The following PRRC2B variants were observed in gnomAD, a reference collection of about 807,000 sequenced individuals.
PRRC2B encodes the protein proline rich coiled-coil 2B.
In PRRC2B, 68 loss-of-function variants were observed where a neutral mutation model predicts 242.3. That is an observed-to-expected ratio of 0.28 (90% CI 0.23 to 0.34). The LOEUF (loss-of-function observed/expected upper bound fraction) is 0.34, where lower values mean the gene tolerates loss of function less well. PRRC2B is among the 10% of genes least tolerant of loss of function. PRRC2B has a pLI of 1.00. For synonymous variants in PRRC2B, 1,228 were observed against 1,173.6 expected (o/e 1.05, Z -0.95); for missense variants, 2,835 against 2,954.8 (o/e 0.96, Z 0.94).
At chr9:131,440,045 A>G (rs1444814695) in intron 5 of PRRC2B, among the ~76,000 whole-genome samples, 3 of 151,624 alleles carry the variant, frequency 2.0e-5, no homozygotes, top group African/African-American at 7.3e-5. Flanking sequence ...ATGCACCACC[A>G]CGCCTGGCTT....
intron 1 of PRRC2B, among the ~76,000 whole-genome samples, chr9:131,420,453 T>TCTCTTTCTTTCTTTCTTTC (rs1837776424): frequency 1.6e-5 from 1 of 60,988 alleles, no homozygotes; most frequent in Non-Finnish European, 3.3e-5. Flanking sequence ...TTCTTTTTCT[T>TCTCTTTCTTTCTTTCTTTC]TTTCTTTCTT....
At chr9:131,468,069 T>C (rs1195672057) in intron 13 of PRRC2B, among the ~76,000 whole-genome samples, 1 of 152,250 alleles carries the variant, frequency 6.6e-6, no homozygotes, top group Admixed American at 6.5e-5. Context: ...GCTCCATTTT[T>C]CTAGTGTGCA....
At chr9:131,478,844 A>T (rs1943779722) in intron 18 of PRRC2B, among the ~76,000 whole-genome samples, 1 of 152,158 alleles carries the variant, frequency 6.6e-6, no homozygotes, top group African/African-American at 2.4e-5. Context: ...AGTGGAAGAA[A>T]CCGAGTCTTG....
At chr9:131,495,684 TC>T in intron 31 of PRRC2B, 55 bp from the exon 32 acceptor site, 1 of 1,575,524 alleles carries the variant, frequency 6.3e-7, no homozygotes, top group Non-Finnish European at 8.7e-7. Context: ...GAACTATGTA[TC>T]CAAACACGTT....
chr9:131,449,269 C>A (rs1268101587), intron 9 of PRRC2B, among the ~76,000 whole-genome samples: 1 of 152,082 alleles, frequency 6.6e-6, no homozygotes, highest in East Asian at 1.9e-4. Context: ...TAAGACCTGT[C>A]CAAACCTTTT....
At chr9:131,476,683 A>T in intron 16 of PRRC2B, 148 bp downstream of exon 16, 1 of 660,114 alleles carries the variant, frequency 1.5e-6, no homozygotes, top group Non-Finnish European at 2.5e-6. Context: ...GCCTGCCCCC[A>T]CATTGCCTGT....
At position 131,474,896 on chromosome 9, in the gene PRRC2B, C is replaced by G. The variant is rs760125443; in HGVS notation, c.2767C>G (p.Arg923Gly). The change falls in exon 16 of 32, where the codon CGG (arginine) becomes GGG (glycine). Residue 923 changes from arginine (R) to glycine (G), a missense_variant. Physicochemically the swap from Arg to Gly is moderately radical, Grantham distance 125. Around this residue, in one of 7 missense-constraint regions of PRRC2B, gnomAD observed 1,536 missense variants for 1,483.1 expected, o/e 1.04. Transcript: ENST00000683519. The part of the protein sequence containing the change: ...SSEPEWTPEP[R>G]SSSSQHPEQT... ...GGAGCCTGAATGGACTCCCGAGCCCCGGAGCTCCAGCAGCCAGCACCCGGA... is the reference window on the plus strand; with the variant it reads ...GGAGCCTGAATGGACTCCCGAGCCCGGGAGCTCCAGCAGCCAGCACCCGGA... 3 of 1,594,814 alleles carry G rather than the reference C, an allele frequency of 1.9e-6. No homozygotes were observed. The South Asian group carries it at 3.4e-5, about 18-fold the overall frequency.
intron 19 of PRRC2B, 86 bp from the exon 20 acceptor site, chr9:131,481,640 G>C: frequency 3.7e-6 from 4 of 1,095,358 alleles, no homozygotes; most frequent in Non-Finnish European, 5.4e-6. Flanking sequence ...TCTGCAAGCT[G>C]TGCCTGTGCT....
chr9:131,375,630 C>A (rs991020797), intron 1 of PRRC2B, among the ~76,000 whole-genome samples: 4 of 152,096 alleles, frequency 2.6e-5, no homozygotes, highest in Admixed American at 2.0e-4. Flanking sequence ...GGTCAGAAGG[C>A]TCTTGTTCCA....
chr9:131,483,891 C>A (rs1200992906), intron 23 of PRRC2B, among the ~76,000 whole-genome samples: 1 of 152,178 alleles, frequency 6.6e-6, no homozygotes, highest in South Asian at 2.1e-4. Flanking sequence ...TGTGGCCACT[C>A]GGGGCTGCAG....
At chr9:131,444,030 C>A (rs527997694) in intron 5 of PRRC2B, among the ~76,000 whole-genome samples, 155 bp from the exon 6 acceptor site, 1 of 152,342 alleles carries the variant, frequency 6.6e-6, no homozygotes, top group African/African-American at 2.4e-5. Flanking sequence ...ACCCTCAGCA[C>A]CCTCGTGGCA....
chr9:131,376,071 G>GGGCATGGT (rs1269071614), intron 1 of PRRC2B, among the ~76,000 whole-genome samples: 3 of 146,666 alleles, frequency 2.0e-5, no homozygotes, highest in Non-Finnish European at 4.5e-5. Flanking sequence ...AAAAAAGGCC[G>GGGCATGGT]GGCATGGTGG....
intron 9 of PRRC2B, among the ~76,000 whole-genome samples, chr9:131,449,549 C>G (rs1313327942): frequency 6.6e-6 from 1 of 152,126 alleles, no homozygotes; most frequent in African/African-American, 2.4e-5. Context: ...GATAAACACA[C>G]TTTTATGTGC....
chr9:131,486,394 A>C lies in PRRC2B; in HGVS notation c.5856+212A>C, dbSNP rs148275895. 3.8e-5 allele frequency: 27 copies of C among 710,248 alleles called. No individual in the cohort carries two copies. In the East Asian group the frequency reaches 2.8e-3, roughly 74 times the overall value. 44.0% of individuals were successfully genotyped at this position (710,248 alleles called of 1,614,324 possible). A position where few individuals can be genotyped will look rare whatever the true frequency, so the allele number is the denominator to read the frequency against. Reference sequence around the variant, plus strand: ...AGAGGAGTGGAGTTGGCTGCTCCAGACTCTGCTTAGTTTTCCTTTCTCAAA... The same window carrying C: ...AGAGGAGTGGAGTTGGCTGCTCCAGCCTCTGCTTAGTTTTCCTTTCTCAAA... On this transcript the variant is annotated intron_variant, in intron 26 of 31. Coordinates refer to ENST00000683519, the MANE Select transcript of PRRC2B (RefSeq NM_013318.4).
At chr9:131,375,194 A>G (rs1229757243) in intron 1 of PRRC2B, among the ~76,000 whole-genome samples, 1 of 152,142 alleles carries the variant, frequency 6.6e-6, no homozygotes, top group Non-Finnish European at 1.5e-5. Context: ...CGACGTCAGG[A>G]GTTGGAGATC....
chr9:131,482,334 G>T lies in PRRC2B; in HGVS notation c.4984-37G>T. The stretch of plus-strand genomic sequence containing the variant: ...TTTACTCTCTGGATAATCGAGTTGG[G>T]AGTTTGAGGCTATAACCCATTTTGT... On this transcript the variant is annotated intron_variant, in intron 20 of 31. Coordinates refer to ENST00000683519, the MANE Select transcript of PRRC2B (RefSeq NM_013318.4). The surrounding 1 kb of genome is among the most constrained non-coding windows in gnomAD (Gnocchi z 5.2). 6.6e-7 allele frequency: 1 copy of T among 1,523,816 alleles called. No individual in the cohort carries two copies. The highest frequency in any genetic ancestry group is 1.3e-5 in the South Asian group (1 of 78,198). 94.4% of individuals were successfully genotyped at this position (1,523,816 alleles called of 1,614,324 possible).
In PRRC2B at chr9:131,486,069, G is replaced by C. The variant is rs771406670; in HGVS notation, c.5759-16G>C. On this transcript the variant is annotated splice_polypyrimidine_tract_variant and intron_variant, in intron 25 of 31. Coordinates refer to ENST00000683519, the MANE Select transcript of PRRC2B (RefSeq NM_013318.4). ...CTTGATCCTCTTCTACGTCCCTTTT[G>C]CCGCTCTGTTTCCAGGCAGCCACCT... 4 of 1,568,688 alleles carry C rather than the reference G, an allele frequency of 2.5e-6. No homozygotes were observed. The highest frequency in any genetic ancestry group is 3.5e-6 in the Non-Finnish European group (4 of 1,142,528).
Position 131,487,401 on chromosome 9 carries a change from A to AG in PRRC2B, c.5984+108dup. 1 of 447,010 alleles carries AG rather than the reference A, an allele frequency of 2.2e-6. No homozygotes were observed. The highest frequency in any genetic ancestry group is 4.0e-6 in the Non-Finnish European group (1 of 249,222). The allele number at this position is 447,010 out of a possible 1,614,324, so 27.7% of individuals were successfully genotyped here. On this transcript the variant is annotated intron_variant, in intron 27 of 31. Coordinates refer to ENST00000683519, the MANE Select transcript of PRRC2B (RefSeq NM_013318.4). The surrounding 1 kb of genome is among the most constrained non-coding windows in gnomAD (Gnocchi z 5.3). ...TTTGGTGCTTGTCTGCTTTGGGGCC[A>AG]GTGGGGCGGGGAGGGGTGGGAGTTT...
chr9:131,408,211 G>GCCTTGCTGGTT (rs1837417857), intron 1 of PRRC2B, among the ~76,000 whole-genome samples: 1 of 152,216 alleles, frequency 6.6e-6, no homozygotes, highest in Admixed American at 6.5e-5. Context: ...GAGGTCTCGG[G>GCCTTGCTGGTT]CCTTGCTGGT....
Sources: allele counts gnomAD v4.1 joint callset (sites outside exome capture counted in the v4.1 genomes callset), GRCh38; gene constraint gnomAD v4.1.1; regional missense constraint gnomAD v4.1.1; non-coding constraint Gnocchi (gnomAD v3.1); transcripts MANE v1.5; gene names NCBI Gene and HGNC (gene_info 2026-07-23, HGNC 2026-07-21).